The following TOM1L2 variants were observed in gnomAD, a reference collection of about 807,000 sequenced individuals.
TOM1L2 encodes target of myb1 like 2 membrane trafficking protein, also known as TOM1-like protein 2.
Under a neutral mutation model 67.9 loss-of-function variants are expected in TOM1L2, and 31 were observed. That is an observed-to-expected ratio of 0.46 (90% CI 0.34 to 0.62). TOM1L2 has a LOEUF of 0.62. Ranked by LOEUF, TOM1L2 falls within the 20% of genes least tolerant of loss-of-function variation. TOM1L2 has a pLI of 0.01. For missense variants in TOM1L2, 606 were observed against 663.5 expected (o/e 0.91, Z 0.95); for synonymous variants, 256 against 254.0 (o/e 1.01, Z -0.07).
intron 1 of TOM1L2, among the ~76,000 whole-genome samples, chr17:17,952,726 G>A (rs918593147): frequency 5.3e-5 from 8 of 152,014 alleles, no homozygotes; most frequent in Admixed American, 5.2e-4. Flanking sequence ...ACAAAAATGG[G>A]TCTCTGTGTC....
chr17:17,948,377 G>A (rs2041045005), intron 1 of TOM1L2, among the ~76,000 whole-genome samples: 1 of 152,176 alleles, frequency 6.6e-6, no homozygotes, highest in Admixed American at 6.5e-5. Context: ...GGCCAGGTGT[G>A]GTGGCTCACA....
chr17:17,884,731 G>C lies in TOM1L2; in HGVS notation c.404C>G (p.Thr135Ser), dbSNP rs903590011. Residue 135 changes from threonine (T) to serine (S), a missense_variant, in exon 5 of 15, where the codon ACC (threonine) becomes AGC (serine). Physicochemically the swap from Thr to Ser is moderately conservative, Grantham distance 58. This residue lies in a region of TOM1L2 where 543 missense variants were observed against 554.0 expected (regional missense o/e 0.98). Transcript: ENST00000379504. ...CTCCTCATATATGTGCACAACGCCG[G>C]TGAGATCAGGACTGCTTCGAAAGGC... ...ADAFRSSPDL[T>S]GVVHIYEELK... The C allele has an allele frequency of 6.2e-7, 1 of 1,613,798 alleles. No homozygotes were observed.
At chr17:17,850,802 G>C in intron 13 of TOM1L2, 91 bp downstream of exon 13, 1 of 1,385,022 alleles carries the variant, frequency 7.2e-7, no homozygotes, top group East Asian at 2.3e-5. Flanking sequence ...GACAGGGGTG[G>C]AGCCCCTGCT....
intron 1 of TOM1L2, among the ~76,000 whole-genome samples, chr17:17,934,071 T>TG (rs2040429216): frequency 6.6e-6 from 1 of 151,998 alleles, no homozygotes; most frequent in Non-Finnish European, 1.5e-5. Flanking sequence ...ACACATTAAG[T>TG]GGGGGGAAAT....
At chr17:17,943,660 C>T (rs2040824827) in intron 1 of TOM1L2, among the ~76,000 whole-genome samples, 1 of 152,180 alleles carries the variant, frequency 6.6e-6, no homozygotes, top group South Asian at 2.1e-4. Context: ...CCATAGTCTA[C>T]ACTCCACACT....
chr17:17,945,312 A>T (rs2040901076), intron 1 of TOM1L2, among the ~76,000 whole-genome samples: 1 of 149,832 alleles, frequency 6.7e-6, no homozygotes, highest in East Asian at 2.0e-4. Flanking sequence ...TCTCTCTCTC[A>T]TTCCTTGATG....
intron 13 of TOM1L2, among the ~76,000 whole-genome samples, chr17:17,850,256 A>T (rs1233237023): frequency 6.6e-6 from 1 of 152,188 alleles, no homozygotes; most frequent in African/African-American, 2.4e-5. Flanking sequence ...TGTAAAGAAC[A>T]GAGGGAGGGG....
chr17:17,947,895 T>G (rs1235776277), intron 1 of TOM1L2, among the ~76,000 whole-genome samples: 1 of 152,206 alleles, frequency 6.6e-6, no homozygotes, highest in Non-Finnish European at 1.5e-5. Context: ...GAAAAATCTT[T>G]GTTCTATTTT....
At position 17,884,660 on chromosome 17, in the gene TOM1L2, G is replaced by A; in HGVS notation, c.475C>T (p.Leu159=). 6.2e-7 allele frequency: 1 copy of A among 1,614,104 alleles called. No individual in the cohort carries two copies. The highest frequency in any genetic ancestry group is 8.5e-7 in the Non-Finnish European group (1 of 1,180,030). The change falls in exon 5 of 15, where the codon CTG becomes TTG. Residue 159 remains leucine, a synonymous_variant. Coordinates refer to ENST00000379504, the MANE Select transcript of TOM1L2 (RefSeq NM_001082968.2). ...CGCTGTGGTGTGTGTATGGGAGACA[G>A]AGCGTCCAAGTCTGCCATGGGAAAT... is the stretch of plus-strand genomic sequence containing the variant. The part of the protein sequence containing the change: ...VEFPMADLDA[L]SPIHTPQRSV...
intron 1 of TOM1L2, among the ~76,000 whole-genome samples, chr17:17,968,960 C>T (rs567600431): frequency 6.6e-6 from 1 of 151,048 alleles, no homozygotes; most frequent in East Asian, 2.0e-4. Context: ...TCCTTCAGCA[C>T]TTACAATCTA....
intron 1 of TOM1L2, among the ~76,000 whole-genome samples, chr17:17,958,742 T>A (rs1449159040): frequency 6.6e-6 from 1 of 152,166 alleles, no homozygotes; most frequent in Non-Finnish European, 1.5e-5. Flanking sequence ...ACCCCTGGAA[T>A]CTCCTGAGAG....
chr17:17,925,024 ACTCT>A (rs943695340), intron 1 of TOM1L2, among the ~76,000 whole-genome samples: 3 of 150,690 alleles, frequency 2.0e-5, no homozygotes, highest in Non-Finnish European at 4.4e-5. Context: ...TCCCTCCTCC[ACTCT>A]CTCTCTCTGT....
chr17:17,955,008 T>A (rs74573174), intron 1 of TOM1L2, among the ~76,000 whole-genome samples: 3,634 of 152,280 alleles, frequency 0.024, 123 homozygotes, highest in African/African-American at 0.076. Context: ...GTCTTTATGT[T>A]CAAAAAGCAT....
intron 1 of TOM1L2, among the ~76,000 whole-genome samples, chr17:17,941,772 G>A (rs568159775): frequency 2.6e-5 from 4 of 152,236 alleles, no homozygotes; most frequent in Admixed American, 6.5e-5. Context: ...TCACTAACTC[G>A]GCTGACTGAA....
intron 1 of TOM1L2, among the ~76,000 whole-genome samples, chr17:17,935,095 G>C (rs1360203840): frequency 2.6e-5 from 4 of 152,218 alleles, no homozygotes; most frequent in African/African-American, 9.6e-5. Flanking sequence ...ATTAAGAAAA[G>C]TTTTTCCAAT....
At chr17:17,969,869 C>G (rs998401452) in intron 1 of TOM1L2, among the ~76,000 whole-genome samples, 5 of 152,132 alleles carry the variant, frequency 3.3e-5, no homozygotes, top group African/African-American at 1.2e-4. Flanking sequence ...TTCTCTCTCT[C>G]TCTCTCTCTC....
chr17:17,875,288 C>A (rs1471853802), intron 7 of TOM1L2, among the ~76,000 whole-genome samples: 3 of 149,308 alleles, frequency 2.0e-5, no homozygotes, highest in Non-Finnish European at 4.5e-5. Flanking sequence ...AAAAAAAGGA[C>A]AGAAGGTGAG....
chr17:17,871,428 G>C (rs1046407423), intron 7 of TOM1L2, among the ~76,000 whole-genome samples: 1 of 151,582 alleles, frequency 6.6e-6, no homozygotes, highest in Non-Finnish European at 1.5e-5. Context: ...CCAGCACTTT[G>C]GGAGGCCGAG....
chr17:17,918,395 C>T (rs1453173257), intron 1 of TOM1L2, among the ~76,000 whole-genome samples: 3 of 152,096 alleles, frequency 2.0e-5, no homozygotes, highest in Non-Finnish European at 2.9e-5. Context: ...CTACAATTTC[C>T]AATACCATGT....
Sources: allele counts gnomAD v4.1 joint callset (sites outside exome capture counted in the v4.1 genomes callset), GRCh38; gene constraint gnomAD v4.1.1; regional missense constraint gnomAD v4.1.1; transcripts MANE v1.5; gene names NCBI Gene and HGNC (gene_info 2026-07-23, HGNC 2026-07-21).